Variants in CLN3 observed in about 807,000 individuals in gnomAD.
The protein encoded by CLN3 is battenin.
A neutral mutation model predicts 60.7 loss-of-function variants in CLN3; 49 were observed. The ratio of observed to expected loss-of-function variants is 0.81; its 90% CI spans 0.64 to 1.02. The LOEUF is 1.02. Among genes scored for constraint, CLN3 ranks in the 50% least tolerant of loss-of-function variants. The probability of loss-of-function intolerance (pLI) is 0.00; values close to 1 mark genes in which losing one functional copy is unlikely to be tolerated. For synonymous variants in CLN3, 256 were observed against 245.8 expected, an observed-to-expected ratio of 1.04 and a Z score of -0.39; for missense variants, 516 against 557.4, an observed-to-expected ratio of 0.93 and a Z score of 0.75.
Position 28,487,524 on chromosome 16 carries a change from C to G in CLN3, c.392G>C (p.Ser131Thr). The change falls in exon 7 of 16, where the codon AGT becomes ACT. Residue 131 changes from serine to threonine, a missense_variant. Transcript: ENST00000636147. ...GAAGCTTCCAGCAGCACAAATCCCA[C>G]TGACGAGAACCCGGGGGCTGAGGGG... Reference protein sequence around the residue: ...LLPYSPRVLVSGICAAGSFVL... With the variant: ...LLPYSPRVLVTGICAAGSFVL... 1 of 1,613,922 alleles carries G rather than the reference C, an allele frequency of 6.2e-7. No individual in the cohort carries two copies. The highest frequency in any genetic ancestry group is 8.5e-7 in the Non-Finnish European group (1 of 1,179,946).
At chr16:28,489,201 C>T in intron 4 of CLN3, 89 bp downstream of exon 4, 2 of 1,016,836 alleles carry the variant, frequency 2.0e-6, no homozygotes, top group South Asian at 1.4e-5. Flanking sequence ...TGTGCCCAGC[C>T]AGAGACTGGA....
chr16:28,477,409 G>T lies in CLN3; in HGVS notation c.*107C>A. 6.7e-7 allele frequency: 1 copy of T among 1,489,700 alleles called. No homozygotes were observed. 92.3% of individuals were successfully genotyped at this position (1,489,700 alleles called of 1,614,324 possible). On this transcript the variant is annotated 3_prime_UTR_variant, in exon 16 of 16. Transcript: ENST00000636147. ...CCTTCCCTACTCCCAGACCTGCCGG[G>T]AAGGCTGGGAGCACAGTTCATGGAG... is the stretch of plus-strand genomic sequence containing the variant.
intron 14 of CLN3, among the ~76,000 whole-genome samples, chr16:28,481,452 A>ACACACACACACG (rs899235845): frequency 8.5e-5 from 10 of 117,754 alleles, no homozygotes; most frequent in African/African-American, 3.7e-4. Context: ...ACACACACAC[A>ACACACACACACG]CGCACACACA....
At position 28,487,748 on chromosome 16, in the gene CLN3, C is replaced by T. The variant is rs1379832506; in HGVS notation, c.295-7G>A. The T allele has an allele frequency of 6.2e-7, 1 of 1,611,262 alleles. No individual in the cohort carries two copies. Among genetic ancestry groups the T allele is most frequent in the Non-Finnish European group, 8.5e-7 (1 of 1,178,408 alleles). ...TGTCCGCCAGGAGCACAGCCTGGGA[C>T]AGGAGAATAGAGTGAGACCGCAGAG... is the stretch of plus-strand genomic sequence containing the variant. On this transcript the variant is annotated splice_polypyrimidine_tract_variant and splice_region_variant and intron_variant, in intron 5 of 15. Transcript: ENST00000636147.
intron 9 of CLN3, chr16:28,484,869 G>T (rs1004967641): frequency 6.6e-6 from 1 of 151,530 alleles, no homozygotes; most frequent in Non-Finnish European, 1.5e-5. Context: ...TTCTTTAAAT[G>T]GACTCACTTT....
At chr16:28,483,811 C>T (rs1236863035) in intron 10 of CLN3, among the ~76,000 whole-genome samples, 195 bp downstream of exon 10, 1 of 150,600 alleles carries the variant, frequency 6.6e-6, no homozygotes, top group Non-Finnish European at 1.5e-5. Flanking sequence ...CTGCCTCAGC[C>T]TCCCAAAGTG....
rs139337440 is a variant in CLN3 at position 28,485,975 on chromosome 16, T to A, written c.677+372A>T. ...GGTAGGGACTTGAAGATTGCAATCA[T>A]AATCAAGTTTTCTTTTCTTTCTTTT... On this transcript the variant is annotated intron_variant, in intron 9 of 15. Coordinates refer to ENST00000636147, the MANE Select transcript of CLN3 (RefSeq NM_001042432.2). 2.3e-3 allele frequency among the ~76,000 whole-genome samples: 346 copies of A among 151,464 alleles called. 1 individual carries two copies. Among genetic ancestry groups the A allele is most frequent in the African/African-American group, 8.1e-3 (335 of 41,416 alleles).
At chr16:28,490,463 A>ATT (rs1466265098) in intron 3 of CLN3, 1 of 143,658 alleles carries the variant, frequency 7.0e-6, no homozygotes, top group African/African-American at 2.5e-5. Context: ...ATAAAATTAA[A>ATT]AAAAAAAAAA....
At chr16:28,477,910 C>T in intron 14 of CLN3, 33 bp from the exon 15 acceptor site, 1 of 1,610,642 alleles carries the variant, frequency 6.2e-7, no homozygotes, top group Middle Eastern at 1.7e-4. Context: ...AGCCTGGGAC[C>T]AGGGCGGGGC....
downstream of CLN3, chr16:28,474,292 AAAC>A (rs1163878903): frequency 2.0e-5 from 3 of 152,042 alleles, no homozygotes; most frequent in Non-Finnish European, 2.9e-5. Flanking sequence ...CAAAAACAAA[AAAC>A]AACAACAAAA....
rs2046115359 is a variant in CLN3, at chr16:28,482,458, C to T, written c.906+19G>A. On this transcript the variant is annotated intron_variant, in intron 12 of 15. Transcript: ENST00000636147. ...CCCCAATCGCCACCTCCACACCCCTCCTAGCACCCCTCACTTACAAGTCCC... is the reference window on the plus strand; with the variant it reads ...CCCCAATCGCCACCTCCACACCCCTTCTAGCACCCCTCACTTACAAGTCCC... 2 of 1,614,124 alleles carry T rather than the reference C, an allele frequency of 1.2e-6. No homozygotes were observed. Among genetic ancestry groups the T allele is most frequent in the Non-Finnish European group, 1.7e-6 (2 of 1,179,978 alleles).
downstream of CLN3, among the ~76,000 whole-genome samples, chr16:28,470,155 G>A (rs1369971304): frequency 8.1e-5 from 11 of 136,354 alleles, no homozygotes; most frequent in Admixed American, 8.1e-4. Context: ...GGGATAACAG[G>A]TACGCACCAC....
intron 14 of CLN3, among the ~76,000 whole-genome samples, chr16:28,481,462 A>ACACACG (rs2046095015): frequency 6.7e-6 from 1 of 148,804 alleles, no homozygotes; most frequent in Admixed American, 6.7e-5. Flanking sequence ...ACGCACACAC[A>ACACACG]CACACACACA....
intron 12 of CLN3, 22 bp from the exon 13 acceptor site, chr16:28,482,404 G>T (rs765304326): frequency 6.2e-7 from 1 of 1,613,982 alleles, no homozygotes; most frequent in Non-Finnish European, 8.5e-7. Context: ...ACCAGACAGG[G>T]GAGATGGACG....
At chr16:28,484,965 A>G (rs1238090552) in intron 9 of CLN3, 1 of 144,040 alleles carries the variant, frequency 6.9e-6, no homozygotes, top group East Asian at 2.0e-4. Context: ...TTTTTTTTTT[A>G]GACGGAGTCT....
chr16:28,469,609 A>C, downstream of CLN3: 1 of 240,440 alleles, frequency 4.2e-6, no homozygotes, highest in African/African-American at 2.4e-5. Flanking sequence ...AAAAATAAAT[A>C]AATAAATAAA....
chr16:28,474,285 A>C (rs1413224119), downstream of CLN3: 2 of 151,712 alleles, frequency 1.3e-5, no homozygotes, highest in Non-Finnish European at 2.9e-5. Context: ...AACAAAACAA[A>C]AACAAAAAAC....
chr16:28,477,398 A>C lies in CLN3; in HGVS notation c.*118T>G, dbSNP rs2046009861. The C allele has an allele frequency of 4.2e-6, 6 of 1,417,536 alleles. No individual in the cohort carries two copies. Among genetic ancestry groups the C allele is most frequent in the Non-Finnish European group, 3.9e-6 (4 of 1,016,724 alleles). The allele number at this position is 1,417,536 out of a possible 1,614,324, so 87.8% of individuals were successfully genotyped here. A position where few individuals can be genotyped will look rare whatever the true frequency, so the allele number is the denominator to read the frequency against. On this transcript the variant is annotated 3_prime_UTR_variant, in exon 16 of 16. Transcript: ENST00000636147. ...AAGGCTTCAGCCCTTCCCTACTCCC[A>C]GACCTGCCGGGAAGGCTGGGAGCAC...
chr16:28,482,022 A>T, intron 14 of CLN3, 83 bp downstream of exon 14: 1 of 944,894 alleles, frequency 1.1e-6, no homozygotes, highest in Non-Finnish European at 1.7e-6. Flanking sequence ...TCCCACTGAT[A>T]GTGGGAAGCA....
Sources: gnomAD v4.1 joint callset for allele counts (sites outside exome capture counted in the v4.1 genomes callset) on GRCh38, gnomAD v4.1.1 for gene constraint, MANE v1.5 for transcripts, NCBI Gene and HGNC (gene_info 2026-07-23, HGNC 2026-07-21) for gene names.